Variants in RASGRF2 observed in about 807,000 individuals in gnomAD.
The protein encoded by RASGRF2 is ras-specific guanine nucleotide-releasing factor 2.
Under a neutral mutation model 151.0 loss-of-function variants are expected in RASGRF2, and 76 were observed. That is an observed-to-expected ratio of 0.50 (90% confidence interval 0.42 to 0.61). The LOEUF (loss-of-function observed/expected upper bound fraction) is 0.61, where lower values mean the gene tolerates loss of function less well. Ranked by LOEUF, RASGRF2 falls within the 20% of genes least tolerant of loss-of-function variation. The pLI, the probability that RASGRF2 is intolerant of heterozygous loss-of-function variation, is 0.00. For missense variants in RASGRF2, 1,148 were observed against 1,564.6 expected (o/e 0.73, Z 4.49); for synonymous variants, 504 against 566.5 (o/e 0.89, Z 1.57).
intron 15 of RASGRF2, among the ~76,000 whole-genome samples, chr5:81,114,235 G>A (rs1433368400): frequency 6.6e-6 from 1 of 152,220 alleles, no homozygotes; most frequent in Non-Finnish European, 1.5e-5. Context: ...CTGGTTGGCT[G>A]AAGAGCCTAG....
At chr5:81,095,677 A>C (rs1057185451) in intron 12 of RASGRF2, among the ~76,000 whole-genome samples, 2 of 152,190 alleles carry the variant, frequency 1.3e-5, no homozygotes, top group South Asian at 2.1e-4. Flanking sequence ...TAAGGACTTG[A>C]TAATTATTTT....
At chr5:81,143,874 A>C (rs1753942967) in intron 17 of RASGRF2, among the ~76,000 whole-genome samples, 1 of 148,302 alleles carries the variant, frequency 6.7e-6, no homozygotes. Context: ...TGGGCGACAG[A>C]GTGAAAATGT....
At chr5:81,176,708 G>C (rs2112668403) in intron 17 of RASGRF2, among the ~76,000 whole-genome samples, 1 of 152,274 alleles carries the variant, frequency 6.6e-6, no homozygotes, top group South Asian at 2.1e-4. Context: ...ATGTGCTTTT[G>C]TTGGGGTCCT....
intron 1 of RASGRF2, among the ~76,000 whole-genome samples, chr5:80,983,855 AT>A: frequency 6.6e-6 from 1 of 152,274 alleles, no homozygotes; most frequent in Non-Finnish European, 1.5e-5. Flanking sequence ...AAAATGTATT[AT>A]TAAAGTTAAT....
intron 2 of RASGRF2, among the ~76,000 whole-genome samples, chr5:81,051,888 A>C (rs1338751739): frequency 1.3e-5 from 2 of 152,190 alleles, no homozygotes; most frequent in Non-Finnish European, 2.9e-5. Flanking sequence ...CTTTTTGAGG[A>C]GATGCCAAAC....
At chr5:81,112,198 A>G (rs562864936) in intron 13 of RASGRF2, among the ~76,000 whole-genome samples, 1 of 152,340 alleles carries the variant, frequency 6.6e-6, no homozygotes, top group East Asian at 1.9e-4. Context: ...CTACCAGTCA[A>G]CCGCAGATCC....
Position 81,053,871 on chromosome 5 carries a change from G to A in RASGRF2, c.395+10888G>A, listed in dbSNP as rs1421022595. ...TGGTTTTGATTTGCATTTCTCTGAC[G>A]GCCAGTGATGGTGAGCATTTTTTCA... On this transcript the variant is annotated intron_variant, in intron 2 of 26. Transcript: ENST00000265080. Among the ~76,000 whole-genome samples, 7 of 152,288 alleles carry A rather than the reference G, an allele frequency of 4.6e-5. No homozygotes were observed. In the South Asian group the frequency reaches 1.0e-3, roughly 23 times the overall value.
intron 1 of RASGRF2, among the ~76,000 whole-genome samples, chr5:81,036,161 C>T (rs1750485342): frequency 6.6e-6 from 1 of 151,948 alleles, no homozygotes. Flanking sequence ...TCATTTTGGT[C>T]TTTTTTCTTT....
At chr5:81,157,793 C>G (rs1754296167) in intron 17 of RASGRF2, among the ~76,000 whole-genome samples, 1 of 152,184 alleles carries the variant, frequency 6.6e-6, no homozygotes, top group African/African-American at 2.4e-5. Flanking sequence ...TGAGAACTCA[C>G]TCACTATCAC....
At chr5:81,071,685 T>C (rs1751780993) in intron 4 of RASGRF2, among the ~76,000 whole-genome samples, 1 of 150,456 alleles carries the variant, frequency 6.6e-6, no homozygotes, top group African/African-American at 2.4e-5. Flanking sequence ...GCTATTGTGT[T>C]ATAAGATTAA....
chr5:81,187,664 C>T (rs1337721188), intron 18 of RASGRF2, among the ~76,000 whole-genome samples: 1 of 152,224 alleles, frequency 6.6e-6, no homozygotes, highest in East Asian at 1.9e-4. Flanking sequence ...TTTGGGGCTG[C>T]AGTCCCAGAT....
At position 81,024,249 on chromosome 5, in the gene RASGRF2, A is replaced by ATTTTTTTTTTTTTTTTTTTTTT. The variant is rs397884951; in HGVS notation, c.289-18622_289-18601dup. 4.3e-4 allele frequency among the ~76,000 whole-genome samples: 31 copies of ATTTTTTTTTTTTTTTTTTTTTT among 71,686 alleles called. 1 individual carries two copies. Among genetic ancestry groups the ATTTTTTTTTTTTTTTTTTTTTT allele is most frequent in the African/African-American group, 1.1e-3 (17 of 15,738 alleles). 47.0% of individuals were successfully genotyped at this position (71,686 alleles called of 152,430 possible). On this transcript the variant is annotated intron_variant, in intron 1 of 26. Transcript: ENST00000265080. ...CTCCAGGACTAGAGGTATTCATATA[A>ATTTTTTTTTTTTTTTTTTTTTT]TTTTTTTTTTTTTTTTTTTTTTTTT...
At chr5:81,183,295 A>G in intron 18 of RASGRF2, 7 of 982,324 alleles carry the variant, frequency 7.1e-6, no homozygotes, top group Non-Finnish European at 8.5e-6. Flanking sequence ...GACATCATCT[A>G]ATTATTTCTC....
At chr5:81,090,947 C>T (rs549792657) in intron 9 of RASGRF2, among the ~76,000 whole-genome samples, 1 of 152,224 alleles carries the variant, frequency 6.6e-6, no homozygotes, top group African/African-American at 2.4e-5. Context: ...ATTATTTGTC[C>T]AAGCCTCAGT....
At chr5:80,994,136 C>T (rs573783738) in intron 1 of RASGRF2, among the ~76,000 whole-genome samples, 5 of 152,038 alleles carry the variant, frequency 3.3e-5, no homozygotes, top group Admixed American at 6.5e-5. Context: ...GAGGCCAGGG[C>T]GGGCGGATCA....
intron 1 of RASGRF2, among the ~76,000 whole-genome samples, chr5:81,019,152 G>A (rs1749745005): frequency 6.6e-6 from 1 of 152,182 alleles, no homozygotes; most frequent in Non-Finnish European, 1.5e-5. Flanking sequence ...GGGATGGATG[G>A]TCATGGCTGC....
chr5:80,991,504 G>A (rs1748649833), intron 1 of RASGRF2, among the ~76,000 whole-genome samples: 1 of 152,166 alleles, frequency 6.6e-6, no homozygotes, highest in South Asian at 2.1e-4. Context: ...GACCTTATCA[G>A]CCTTTTCTCA....
chr5:81,075,227 G>C (rs1044973013), intron 5 of RASGRF2, among the ~76,000 whole-genome samples: 2 of 152,174 alleles, frequency 1.3e-5, no homozygotes, highest in Admixed American at 1.3e-4. Flanking sequence ...TAGGTGTCAC[G>C]GATGCAACTA....
intron 2 of RASGRF2, among the ~76,000 whole-genome samples, chr5:81,053,206 A>G (rs1469998832): frequency 6.6e-6 from 1 of 151,524 alleles, no homozygotes. Flanking sequence ...TACATGTGCC[A>G]TGTTGGTGTG....
Sources: gnomAD v4.1 joint callset for allele counts (sites outside exome capture counted in the v4.1 genomes callset) on GRCh38, gnomAD v4.1.1 for gene constraint, MANE v1.5 for transcripts, NCBI Gene and HGNC (gene_info 2026-07-23, HGNC 2026-07-21) for gene names.